CFAP47: variants seen among roughly 807,000 people sequenced by gnomAD.
CFAP47 encodes cilia- and flagella-associated protein 47.
A neutral mutation model predicts 148.1 loss-of-function variants in CFAP47; 29 were observed. The observed-to-expected ratio is 0.20, with a 90% CI of 0.15 to 0.27. The LOEUF is 0.27. CFAP47 is among the 10% of genes least tolerant of loss of function. The pLI is 1.00. For synonymous variants in CFAP47, 664 were observed against 577.3 expected, an observed-to-expected ratio of 1.15 and a Z score of -2.15; for missense variants, 1,872 against 1,697.5, an observed-to-expected ratio of 1.10 and a Z score of -1.81.
chrX:36,253,058 T>G (rs1940711439), intron 49 of CFAP47, among the ~76,000 whole-genome samples: 1 of 112,455 alleles, frequency 8.9e-6, no homozygotes, highest in African/African-American at 3.2e-5. Context: ...TTTGTTGTTG[T>G]TGGTTTTAGC....
chrX:35,949,357 G>A lies in CFAP47; in HGVS notation c.656+905G>A, dbSNP rs184041784. ...TTAGAAAGGTCCTCCTAGTGGCAGT[G>A]TGCAAAACAGACCAGGGAGTACAAA... On this transcript the variant is annotated intron_variant, in intron 4 of 63. Transcript: ENST00000378653. Among the ~76,000 whole-genome samples the A allele has an allele frequency of 4.5e-5, 5 of 111,113 alleles. No homozygotes were observed. The East Asian group carries it at 1.4e-3, about 32-fold the overall frequency.
In CFAP47 at chrX:36,382,969, A is replaced by T. The variant is rs375855856; in HGVS notation, c.9355-1828A>T. On this transcript the variant is annotated intron_variant, in intron 63 of 63. Transcript: ENST00000378653. The stretch of plus-strand genomic sequence containing the variant: ...TATCTTTAAATTTTTTAAAATATAC[A>T]TGGATAGTTGCTTTTATTTATGGTT... Among the ~76,000 whole-genome samples the T allele has an allele frequency of 2.7e-5, 3 of 111,507 alleles. No homozygotes were observed. The East Asian group carries it at 8.5e-4, about 31-fold the overall frequency.
intron 30 of CFAP47, among the ~76,000 whole-genome samples, chrX:36,098,005 CT>C (rs1208842089): frequency 9.0e-6 from 1 of 111,258 alleles, no homozygotes; most frequent in Non-Finnish European, 1.9e-5. Flanking sequence ...TGTTTTTATT[CT>C]TTCTTTTTTT....
Position 35,924,129 on chromosome X carries a change from A to G in CFAP47, c.250-1888A>G, listed in dbSNP as rs1396353396. On this transcript the variant is annotated intron_variant, in intron 1 of 63. Coordinates refer to ENST00000378653, the MANE Select transcript of CFAP47 (RefSeq NM_001304548.2). ...TATATGTACATGTATGCGTACATAT[A>G]TGTATATGTGTACATGTATGCGTAC... 2.5e-4 allele frequency among the ~76,000 whole-genome samples: 25 copies of G among 99,850 alleles called. 1 individual carries two copies. Among genetic ancestry groups the G allele is most frequent in the African/African-American group, 7.2e-4 (18 of 25,121 alleles). 86.7% of individuals were successfully genotyped at this position (99,850 alleles called of 115,157 possible).
chrX:36,025,486 A>T (rs1034756128), intron 22 of CFAP47, among the ~76,000 whole-genome samples: 7 of 110,462 alleles, frequency 6.3e-5, no homozygotes, highest in African/African-American at 2.3e-4. Context: ...AATGAAAAAA[A>T]AAAAAGTAGT....
intron 15 of CFAP47, among the ~76,000 whole-genome samples, chrX:35,981,699 CAA>C (rs763039434): frequency 9.0e-6 from 1 of 110,892 alleles, no homozygotes. Context: ...AAGTAGTACG[CAA>C]AGTCTGTTGT....
At chrX:36,165,027 A>G (rs67004648) in intron 39 of CFAP47, among the ~76,000 whole-genome samples, 15,142 of 111,380 alleles carry the variant, frequency 0.14, 2,142 homozygotes, top group African/African-American at 0.43. Flanking sequence ...TAAACACTTC[A>G]TATCAATGGA....
intron 57 of CFAP47, among the ~76,000 whole-genome samples, chrX:36,342,086 T>G: frequency 9.0e-6 from 1 of 111,451 alleles, no homozygotes; most frequent in Non-Finnish European, 1.9e-5. Context: ...TTATACTAGC[T>G]AGATTTCCCA....
At position 36,338,527 on chromosome X, in the gene CFAP47, C is replaced by T. The variant is rs188214049; in HGVS notation, c.8444-9602C>T. ...CTCAATCCATGAGCACTGCTTGAAG[C>T]ACTTGATCTCTCACTGTTTTGGAAA... On this transcript the variant is annotated intron_variant, in intron 57 of 63. Coordinates refer to ENST00000378653, the MANE Select transcript of CFAP47 (RefSeq NM_001304548.2). Among the ~76,000 whole-genome samples the T allele has an allele frequency of 4.7e-4, 53 of 111,830 alleles. 1 individual carries two copies. Among genetic ancestry groups the T allele is most frequent in the Admixed American group, 3.3e-3 (35 of 10,560 alleles).
rs1469323205 is a variant in CFAP47 at position 36,307,492 on chromosome X, C to G, written c.8187+616C>G. On this transcript the variant is annotated intron_variant, in intron 55 of 63. Transcript: ENST00000378653. ...AGGTGTGACCTGAATCCAGGATAAT[C>G]TGGTTTCAACTCATCTTCATGTCTA... 8.1e-5 allele frequency among the ~76,000 whole-genome samples: 9 copies of G among 111,009 alleles called. No individual in the cohort carries two copies. In the Admixed American group the frequency reaches 8.7e-4, roughly 11 times the overall value.
chrX:35,989,700 G>A (rs938714834), intron 16 of CFAP47: 7 of 727,416 alleles, frequency 9.6e-6, no homozygotes, highest in Admixed American at 4.2e-5. Flanking sequence ...AAAAATGTGA[G>A]TAGAGGGAAA....
At chrX:36,023,204 TG>T (rs1410347700) in intron 22 of CFAP47, among the ~76,000 whole-genome samples, 3 of 112,662 alleles carry the variant, frequency 2.7e-5, no homozygotes, top group African/African-American at 9.7e-5. Context: ...CTGTGATTCT[TG>T]CAGAATCAGA....
chrX:36,049,868 G>A (rs1357605064), intron 26 of CFAP47, among the ~76,000 whole-genome samples: 1 of 111,118 alleles, frequency 9.0e-6, no homozygotes, highest in Non-Finnish European at 1.9e-5. Context: ...GTCATGGGAG[G>A]GACCCAGTAG....
intron 17 of CFAP47, among the ~76,000 whole-genome samples, chrX:35,992,399 A>G (rs138489525): frequency 0.017 from 1,826 of 109,858 alleles, 44 homozygotes; most frequent in African/African-American, 0.057. Context: ...TTTTTTTTTA[A>G]ATTGAAAAAT....
intron 1 of CFAP47, among the ~76,000 whole-genome samples, chrX:35,924,571 G>GTA (rs1182056794): frequency 9.5e-6 from 1 of 104,912 alleles, no homozygotes; most frequent in East Asian, 3.1e-4. Flanking sequence ...GCATATATGT[G>GTA]TATATATGCG....
intron 61 of CFAP47, among the ~76,000 whole-genome samples, chrX:36,366,417 G>A (rs782352080): frequency 9.0e-6 from 1 of 111,729 alleles, no homozygotes; most frequent in East Asian, 2.8e-4. Context: ...TATTCTGCAA[G>A]GTGTATGTGG....
chrX:36,226,797 C>A (rs1454772517), intron 45 of CFAP47, among the ~76,000 whole-genome samples: 1 of 110,865 alleles, frequency 9.0e-6, no homozygotes, highest in African/African-American at 3.3e-5. Flanking sequence ...TAACATAAAG[C>A]TTTTGACAGA....
In CFAP47 at chrX:36,073,132, A is replaced by T. The variant is rs756966835; in HGVS notation, c.4466-7A>T. Reference sequence around the variant, plus strand: ...GCCCTTTTTTAACAAACTAATTTTAATTTTAGGAGTGGAAGTACTGCCTGA... The same window carrying T: ...GCCCTTTTTTAACAAACTAATTTTATTTTTAGGAGTGGAAGTACTGCCTGA... On this transcript the variant is annotated splice_region_variant and splice_polypyrimidine_tract_variant and intron_variant, in intron 28 of 63. Coordinates refer to ENST00000378653, the MANE Select transcript of CFAP47 (RefSeq NM_001304548.2). The T allele has an allele frequency of 8.5e-7, 1 of 1,183,308 alleles. No homozygotes were observed. The highest frequency in any genetic ancestry group is 1.1e-6 in the Non-Finnish European group (1 of 871,945).
Position 36,184,026 on chromosome X carries a change from G to C in CFAP47, c.6105-4594G>C, listed in dbSNP as rs765930125. Among the ~76,000 whole-genome samples, 15 of 110,401 alleles carry C rather than the reference G, an allele frequency of 1.4e-4. No individual in the cohort carries two copies. In the South Asian group the frequency reaches 5.4e-3, roughly 40 times the overall value. On this transcript the variant is annotated intron_variant, in intron 40 of 63. Transcript: ENST00000378653. ...TAAAGATAAATAAGTCACATATCTG[G>C]CCCTCGAGGAACCAATCATCAAGCA...
Sources: allele counts gnomAD v4.1 joint callset (sites outside exome capture counted in the v4.1 genomes callset), GRCh38; gene constraint gnomAD v4.1.1; transcripts MANE v1.5; gene names NCBI Gene and HGNC (gene_info 2026-07-23, HGNC 2026-07-21).